The following CHERP variants were observed in gnomAD, a reference collection of about 807,000 sequenced individuals.
CHERP encodes the protein calcium homeostasis endoplasmic reticulum protein.
Under a neutral mutation model 113.8 loss-of-function variants are expected in CHERP, and 8 were observed. That is an observed-to-expected ratio of 0.07 (90% CI 0.04 to 0.13). The LOEUF (loss-of-function observed/expected upper bound fraction) is 0.13. Among genes scored for constraint, CHERP ranks in the 10% least tolerant of loss-of-function variants. The pLI is 1.00. For missense variants in CHERP, 884 were observed against 1,298.2 expected (o/e 0.68, Z 4.90); for synonymous variants, 559 against 524.5 (o/e 1.07, Z -0.90).
Position 16,529,964 on chromosome 19 carries a change from A to C in CHERP, c.877-64T>G, listed in dbSNP as rs540132196. The C allele has an allele frequency of 1.6e-4, 253 of 1,546,682 alleles. No individual in the cohort carries two copies. The Middle Eastern group carries it at 2.1e-3, about 13-fold the overall frequency. On this transcript the variant is annotated intron_variant, in intron 7 of 16. Coordinates refer to ENST00000546361, the MANE Select transcript of CHERP (RefSeq NM_006387.6). ...CTTGGGGCTCGCTGCCTGGCGCCAG[A>C]GGACAAACGCCTGGAAAGCAGCAGA...
rs577829774 is a variant in CHERP, at chr19:16,520,754, T to C, written c.2201+72A>G. 43 of 1,427,462 alleles carry C rather than the reference T, an allele frequency of 3.0e-5. No homozygotes were observed. The highest frequency in any genetic ancestry group is 3.9e-5 in the Non-Finnish European group (40 of 1,015,188). The allele number at this position is 1,427,462 out of a possible 1,614,324, so 88.4% of individuals were successfully genotyped here. The stretch of plus-strand genomic sequence containing the variant: ...TGAGGGTGGACGTGATGAGTGTATC[T>C]GGGGTCTGCTCCCACCCATCACAAG... On this transcript the variant is annotated intron_variant, in intron 13 of 16. Coordinates refer to ENST00000546361, the MANE Select transcript of CHERP (RefSeq NM_006387.6). The surrounding 1 kb of genome is among the most constrained non-coding windows in gnomAD (Gnocchi z 4.0).
In CHERP at chr19:16,535,721, C is replaced by G; in HGVS notation, c.200-85G>C. The G allele has an allele frequency of 7.7e-7, 1 of 1,294,072 alleles. No homozygotes were observed. Among genetic ancestry groups the G allele is most frequent in the Non-Finnish European group, 1.0e-6 (1 of 969,670 alleles). The allele number at this position is 1,294,072 out of a possible 1,614,324, so 80.2% of individuals were successfully genotyped here. A position where few individuals can be genotyped will look rare whatever the true frequency, so the allele number is the denominator to read the frequency against. On this transcript the variant is annotated intron_variant, in intron 2 of 16. Coordinates refer to ENST00000546361, the MANE Select transcript of CHERP (RefSeq NM_006387.6). This position sits in a 1 kb window ranked among gnomAD's most constrained non-coding sequence, Gnocchi z 4.3. ...TTGGCCACCTCTCAGCCACAGGGGCCTCCCCCTCCCCAGGGACTCACCATC... is the reference window on the plus strand; with the variant it reads ...TTGGCCACCTCTCAGCCACAGGGGCGTCCCCCTCCCCAGGGACTCACCATC...
At chr19:16,541,270 G>C (rs144082821) in intron 2 of CHERP, 1 of 152,364 alleles carries the variant, frequency 6.6e-6, no homozygotes, top group Non-Finnish European at 1.5e-5. Flanking sequence ...GAACGTGACA[G>C]ATGTGATACC....
chr19:16,541,239 CT>C, intron 2 of CHERP: 1 of 152,180 alleles, frequency 6.6e-6, no homozygotes, highest in Non-Finnish European at 1.5e-5. Context: ...TTTAAACAAT[CT>C]AGAGACGGGG....
At chr19:16,527,989 G>C in intron 9 of CHERP, 91 bp downstream of exon 9, 1 of 1,259,752 alleles carries the variant, frequency 7.9e-7, no homozygotes, top group Non-Finnish European at 1.1e-6. Flanking sequence ...TCCCCAGTAA[G>C]CCACTCAACG....
chr19:16,541,209 G>C (rs1461609958), intron 2 of CHERP: 1 of 152,108 alleles, frequency 6.6e-6, no homozygotes, highest in African/African-American at 2.4e-5. Flanking sequence ...CCATCTACCT[G>C]GCAAACTCCT....
chr19:16,529,752 AGCTGCTGCTGCTGCTGTTGCTGCT>A lies in CHERP; in HGVS notation c.1001_1024del (p.Gln334_Gln341del), dbSNP rs770471936. The A allele has an allele frequency of 5.0e-6, 8 of 1,611,706 alleles. No individual in the cohort carries two copies. Among genetic ancestry groups the A allele is most frequent in the Admixed American group, 1.7e-5 (1 of 59,938 alleles). On this transcript the variant is annotated inframe_deletion, in exon 8 of 17. Transcript: ENST00000546361. ...TTCAGCCTCCATCTGCGGCATCTGG[AGCTGCTGCTGCTGCTGTTGCTGCT>A]GCTGCTGCTGCTGGGCCAGGCTGGT... is the stretch of plus-strand genomic sequence containing the variant.
Position 16,518,019 on chromosome 19 carries a change from C to G in CHERP, c.*1140G>C, listed in dbSNP as rs886284961. The G allele has an allele frequency of 6.6e-6, 1 of 152,188 alleles. No homozygotes were observed. The allele number at this position is 152,188 out of a possible 1,614,324, so 9.4% of individuals were successfully genotyped here. ...ATTCACAGCTACAGGAAATCTAGAA[C>G]AAAATCAAATATTCATCACGTTGGG... On this transcript the variant is annotated 3_prime_UTR_variant, in exon 17 of 17. Transcript: ENST00000546361.
chr19:16,523,062 G>T lies in CHERP; in HGVS notation c.1970C>A (p.Pro657His). The T allele has an allele frequency of 6.6e-7, 1 of 1,512,900 alleles. No individual in the cohort carries two copies. Among genetic ancestry groups the T allele is most frequent in the Non-Finnish European group, 8.8e-7 (1 of 1,134,386 alleles). 93.7% of individuals were successfully genotyped at this position (1,512,900 alleles called of 1,614,324 possible). ...ACTGTGGGGCATTACCTTCACGAGG[G>T]GGGCCATCAGCCCAGCAGGGAGATC... is the stretch of plus-strand genomic sequence containing the variant. ...YFDLPAGLMA[P>H]LVKLEDHEYK... Residue 657 changes from proline (P) to histidine (H), a missense_variant, in exon 11 of 17, where the codon CCC (proline) becomes CAC (histidine). Coordinates refer to ENST00000546361, the MANE Select transcript of CHERP (RefSeq NM_006387.6). This position sits in a 1 kb window ranked among gnomAD's most constrained non-coding sequence, Gnocchi z 4.0.
chr19:16,526,528 C>T (rs749232902), intron 9 of CHERP, among the ~76,000 whole-genome samples: 4 of 152,158 alleles, frequency 2.6e-5, no homozygotes, highest in Non-Finnish European at 4.4e-5. Flanking sequence ...AGTGCAGTGG[C>T]GCGATCTTGG....
chr19:16,529,679 A>G lies in CHERP; in HGVS notation c.1098T>C (p.Pro366=). 1 of 1,560,236 alleles carries G rather than the reference A, an allele frequency of 6.4e-7. No individual in the cohort carries two copies. The highest frequency in any genetic ancestry group is 8.6e-7 in the Non-Finnish European group (1 of 1,157,980). Residue 366 remains proline (P), a synonymous_variant, in exon 8 of 17, where the codon CCT becomes CCC. Coordinates refer to ENST00000546361, the MANE Select transcript of CHERP (RefSeq NM_006387.6). The stretch of plus-strand genomic sequence containing the variant: ...GGGTGGTGGGCGGGATGGCAGGGGC[A>G]GGTGCTGGGGCCGGGGGTGGAGCAG... ...PPPAPPPAPA[P]APAIPPTTQP...
chr19:16,528,365 G>GA lies in CHERP; in HGVS notation c.1130-111dup, dbSNP rs1216398793. ...CTACCGCTTTTAGTGCCCAGTGGAT[G>GA]ATCGCTTCAGGACCCACTAAAACCA... On this transcript the variant is annotated intron_variant, in intron 8 of 16. Transcript: ENST00000546361. 7.4e-6 allele frequency: 8 copies of GA among 1,083,814 alleles called. 1 individual carries two copies. The African/African-American group carries it at 1.3e-4, about 17-fold the overall frequency. 67.1% of individuals were successfully genotyped at this position (1,083,814 alleles called of 1,614,324 possible).
At position 16,519,325 on chromosome 19, in the gene CHERP, G is replaced by C; in HGVS notation, c.2585C>G (p.Ala862Gly). The C allele has an allele frequency of 6.2e-7, 1 of 1,612,990 alleles. No homozygotes were observed. Among genetic ancestry groups the C allele is most frequent in the Non-Finnish European group, 8.5e-7 (1 of 1,179,878 alleles). The stretch of plus-strand genomic sequence containing the variant: ...GGGGTCCTGGATCCCTTGCTCCTTC[G>C]CACCGAGGCCGCCTGAGCCGCTCCA... ...MGWSGSGGLG[A>G]KEQGIQDPIK... Residue 862 changes from alanine to glycine, a missense_variant, in exon 17 of 17, where the codon GCG (alanine) becomes GGG (glycine). Ala to Gly is a moderately conservative substitution (Grantham distance 60). This residue lies in a region of CHERP where 42 missense variants were observed against 105.1 expected (regional missense o/e 0.40). Coordinates refer to ENST00000546361, the MANE Select transcript of CHERP (RefSeq NM_006387.6). The surrounding 1 kb of genome is among the most constrained non-coding windows in gnomAD (Gnocchi z 6.0).
At position 16,520,320 on chromosome 19, in the gene CHERP, C is replaced by T. The variant is rs376499760; in HGVS notation, c.2345+44G>A. On this transcript the variant is annotated intron_variant, in intron 14 of 16. Coordinates refer to ENST00000546361, the MANE Select transcript of CHERP (RefSeq NM_006387.6). This position sits in a 1 kb window ranked among gnomAD's most constrained non-coding sequence, Gnocchi z 4.0. Reference sequence around the variant, plus strand: ...GCAGCCAGGCGTCGTGGGGAGGCCACAGGAAGAGGCCTCAGGCACTGCCCT... The same window carrying T: ...GCAGCCAGGCGTCGTGGGGAGGCCATAGGAAGAGGCCTCAGGCACTGCCCT... 3 of 1,611,410 alleles carry T rather than the reference C, an allele frequency of 1.9e-6. No homozygotes were observed. The highest frequency in any genetic ancestry group is 2.2e-5 in the South Asian group (2 of 90,830).
At position 16,529,769 on chromosome 19, in the gene CHERP, TTGCTGC is replaced by T. The variant is rs751586190; in HGVS notation, c.1002_1007del (p.Gln340_Gln341del). On this transcript the variant is annotated inframe_deletion, in exon 8 of 17. Coordinates refer to ENST00000546361, the MANE Select transcript of CHERP (RefSeq NM_006387.6). ...GCATCTGGAGCTGCTGCTGCTGCTG[TTGCTGC>T]TGCTGCTGCTGCTGGGCCAGGCTGG... The T allele has an allele frequency of 2.3e-5, 37 of 1,605,762 alleles. No homozygotes were observed. The Admixed American group carries it at 2.8e-4, about 12-fold the overall frequency.
In CHERP at chr19:16,542,416, A is replaced by C; in HGVS notation, c.-38T>G. The C allele has an allele frequency of 7.5e-7, 1 of 1,335,958 alleles. No homozygotes were observed. Among genetic ancestry groups the C allele is most frequent in the Non-Finnish European group, 9.7e-7 (1 of 1,035,858 alleles). 82.8% of individuals were successfully genotyped at this position (1,335,958 alleles called of 1,614,324 possible). A position where few individuals can be genotyped will look rare whatever the true frequency, so the allele number is the denominator to read the frequency against. On this transcript the variant is annotated 5_prime_UTR_variant, in exon 1 of 17. Coordinates refer to ENST00000546361, the MANE Select transcript of CHERP (RefSeq NM_006387.6). ...GGGGAACGTCCTCCGGCGCCACACG[A>C]TCGACCACCAGCGCCGTCTGCGGAA...
At chr19:16,538,713 C>T (rs2085757377) in intron 2 of CHERP, among the ~76,000 whole-genome samples, 1 of 151,898 alleles carries the variant, frequency 6.6e-6, no homozygotes, top group African/African-American at 2.4e-5. Context: ...TTCTTGGCTT[C>T]AATCTTCCTG....
chr19:16,535,342 G>A lies in CHERP; in HGVS notation c.384+110C>T. The A allele has an allele frequency of 8.5e-7, 1 of 1,169,754 alleles. No homozygotes were observed. The highest frequency in any genetic ancestry group is 1.2e-6 in the Non-Finnish European group (1 of 831,322). The allele number at this position is 1,169,754 out of a possible 1,614,324, so 72.5% of individuals were successfully genotyped here. A position where few individuals can be genotyped will look rare whatever the true frequency, so the allele number is the denominator to read the frequency against. ...GACATGCACCGAGCCCTGGGTGGCA[G>A]GGGGGGCCCTGTCCTCACTGACACC... On this transcript the variant is annotated intron_variant, in intron 3 of 16. Transcript: ENST00000546361. This position sits in a 1 kb window ranked among gnomAD's most constrained non-coding sequence, Gnocchi z 4.3.
In CHERP at chr19:16,535,568, G is replaced by A; in HGVS notation, c.268C>T (p.Leu90=). The change falls in exon 3 of 17, where the codon CTG becomes TTG. Residue 90 remains leucine, a synonymous_variant. Transcript: ENST00000546361. This position sits in a 1 kb window ranked among gnomAD's most constrained non-coding sequence, Gnocchi z 4.3. ...ATMPPLPQPP[L]APAAPIPPAQ... ...GGCGGGATGGGCGCGGCGGGGGCCA[G>A]CGGGGGCTGTGGCAGGGGTGGCATG... 1 of 1,567,782 alleles carries A rather than the reference G, an allele frequency of 6.4e-7. No individual in the cohort carries two copies. Among genetic ancestry groups the A allele is most frequent in the South Asian group, 1.2e-5 (1 of 86,448 alleles).
Sources: gnomAD v4.1 joint callset for allele counts (sites outside exome capture counted in the v4.1 genomes callset) on GRCh38, gnomAD v4.1.1 for gene constraint, gnomAD v4.1.1 regional missense constraint, Gnocchi (gnomAD v3.1) non-coding constraint, MANE v1.5 for transcripts, NCBI Gene and HGNC (gene_info 2026-07-23, HGNC 2026-07-21) for gene names.